The following EXOC1 variants were observed in gnomAD, a reference collection of about 807,000 sequenced individuals.
EXOC1 encodes SEC3-like 1.
Under a neutral mutation model 107.7 loss-of-function variants are expected in EXOC1, and 67 were observed. The observed-to-expected ratio is 0.62, with a 90% CI of 0.51 to 0.76. EXOC1 has a LOEUF of 0.76. Among genes scored for constraint, EXOC1 ranks in the 30% least tolerant of loss-of-function variants. EXOC1 has a pLI of 0.00. For missense variants in EXOC1, 833 were observed against 1,055.7 expected, an observed-to-expected ratio of 0.79 and a Z score of 2.92; for synonymous variants, 348 against 353.5, an observed-to-expected ratio of 0.98 and a Z score of 0.17.
intron 8 of EXOC1, chr4:55,875,838 G>A (rs1349623849): frequency 1.0e-6 from 1 of 967,798 alleles, no homozygotes; most frequent in East Asian, 1.1e-4. Flanking sequence ...GCTGAAGTGG[G>A]CCAATAACTT....
chr4:55,872,697 A>G (rs1267273403), intron 8 of EXOC1: 1 of 651,700 alleles, frequency 1.5e-6, no homozygotes, highest in Non-Finnish European at 1.9e-6. Context: ...TTTTTACTTT[A>G]TTTTCACTTT....
At position 55,883,829 on chromosome 4, in the gene EXOC1, A is replaced by G. The variant is rs769153477; in HGVS notation, c.1231A>G (p.Met411Val). Residue 411 changes from methionine to valine, a missense_variant, in exon 10 of 19, where the codon ATG becomes GTG. By Grantham distance (21) the Met-to-Val change is conservative. Coordinates refer to ENST00000381295, the MANE Select transcript of EXOC1 (RefSeq NM_001024924.2). ...GKYEGLTKNY[M>V]DYLSRLYERE... Reference sequence around the variant, plus strand: ...ATGTTACTTTTATTTTAAGAATTACATGGATTATTTATCCCGACTATATGA... The same window carrying G: ...ATGTTACTTTTATTTTAAGAATTACGTGGATTATTTATCCCGACTATATGA... 6 of 1,570,582 alleles carry G rather than the reference A, an allele frequency of 3.8e-6. No homozygotes were observed. The highest frequency in any genetic ancestry group is 3.8e-5 in the Admixed American group (2 of 52,468).
intron 3 of EXOC1, among the ~76,000 whole-genome samples, chr4:55,861,151 C>T (rs1721434591): frequency 6.6e-6 from 1 of 152,042 alleles, no homozygotes; most frequent in African/African-American, 2.4e-5. Flanking sequence ...ACAGCAATAC[C>T]CTTTTTTCAA....
In EXOC1 at chr4:55,904,285, A is replaced by C. The variant is rs145950518; in HGVS notation, c.2533-58A>C. On this transcript the variant is annotated intron_variant, in intron 18 of 18. Transcript: ENST00000381295. ...GAATATGCCTTGGCATTATTTCTGCATACTAGATTACATATTATTTCCATT... is the reference window on the plus strand; with the variant it reads ...GAATATGCCTTGGCATTATTTCTGCCTACTAGATTACATATTATTTCCATT... The C allele has an allele frequency of 3.4e-6, 5 of 1,483,148 alleles. No individual in the cohort carries two copies. The Admixed American group carries it at 8.5e-5, about 25-fold the overall frequency. 91.9% of individuals were successfully genotyped at this position (1,483,148 alleles called of 1,614,324 possible). A position where few individuals can be genotyped will look rare whatever the true frequency, so the allele number is the denominator to read the frequency against.
At chr4:55,876,945 A>G (rs1241123085) in intron 8 of EXOC1, 1 of 985,164 alleles carries the variant, frequency 1.0e-6, no homozygotes, top group East Asian at 1.1e-4. Flanking sequence ...GGCATGTCTT[A>G]TACTCCCATC....
At chr4:55,881,556 C>T (rs1015465634) in intron 9 of EXOC1, among the ~76,000 whole-genome samples, 12 of 152,058 alleles carry the variant, frequency 7.9e-5, no homozygotes, top group African/African-American at 2.9e-4. Flanking sequence ...TTTAGGGAGA[C>T]ATGGGACGTC....
chr4:55,864,499 TTAAAA>T (rs1482126745), intron 4 of EXOC1, 113 bp downstream of exon 4: 22 of 939,872 alleles, frequency 2.3e-5, no homozygotes, highest in Admixed American at 6.5e-5. Context: ...TAAAAGAACT[TTAAAA>T]TAATTTTTCT....
At chr4:55,894,384 C>G (rs1215281910) in intron 15 of EXOC1, among the ~76,000 whole-genome samples, 1 of 151,042 alleles carries the variant, frequency 6.6e-6, no homozygotes, top group East Asian at 1.9e-4. Flanking sequence ...AGTCAATGAC[C>G]ATTGATTTAA....
intron 9 of EXOC1, among the ~76,000 whole-genome samples, chr4:55,878,631 G>T (rs1162948609): frequency 6.6e-6 from 1 of 152,104 alleles, no homozygotes; most frequent in African/African-American, 2.4e-5. Flanking sequence ...AGACCATGGG[G>T]GAAACTTCAT....
At chr4:55,899,613 T>C in intron 16 of EXOC1, 72 bp from the exon 17 acceptor site, 1 of 1,313,410 alleles carries the variant, frequency 7.6e-7, no homozygotes, top group Non-Finnish European at 1.1e-6. Context: ...AAAAAATTAA[T>C]AGTATAAATG....
At chr4:55,897,270 G>T (rs1287108433) in intron 16 of EXOC1, among the ~76,000 whole-genome samples, 2 of 151,756 alleles carry the variant, frequency 1.3e-5, no homozygotes, top group African/African-American at 4.8e-5. Flanking sequence ...GGGACTACAG[G>T]TGCACCCTAC....
chr4:55,904,191 T>C, intron 18 of EXOC1, 152 bp from the exon 19 acceptor site: 1 of 612,140 alleles, frequency 1.6e-6, no homozygotes, highest in Non-Finnish European at 2.5e-6. Flanking sequence ...ACAAATCTTG[T>C]AGGTAAAAGT....
intron 3 of EXOC1, among the ~76,000 whole-genome samples, chr4:55,862,454 A>G (rs979179185): frequency 6.6e-6 from 1 of 152,118 alleles, no homozygotes. Flanking sequence ...CCACTGGAGC[A>G]CTCAGCTTCT....
chr4:55,858,204 C>T (rs1034506558), intron 1 of EXOC1, 110 bp from the exon 2 acceptor site: 1 of 1,095,522 alleles, frequency 9.1e-7, no homozygotes, highest in Non-Finnish European at 1.3e-6. Flanking sequence ...TATATTAAAT[C>T]ATTTTTCCTA....
rs373998986 is a variant in EXOC1, at chr4:55,893,657, T to C, written c.1830T>C (p.Leu610=). ...ACAAAATTGATAGCTTTAACTCTCT[T>C]TATATGTTAGTCAAAATGAGTCATC... ...LGDKIDSFNS[L]YMLVKMSHHV... The change falls in exon 15 of 19, where the codon CTT becomes CTC. Residue 610 remains leucine, a synonymous_variant. Transcript: ENST00000381295. The C allele has an allele frequency of 1.6e-5, 26 of 1,613,974 alleles. No individual in the cohort carries two copies. The highest frequency in any genetic ancestry group is 2.2e-5 in the Non-Finnish European group (26 of 1,180,014).
At chr4:55,862,383 A>C (rs1448494886) in intron 3 of EXOC1, among the ~76,000 whole-genome samples, 2 of 152,148 alleles carry the variant, frequency 1.3e-5, no homozygotes, top group Non-Finnish European at 1.5e-5. Flanking sequence ...ATAAAACATA[A>C]AATTTTTATA....
chr4:55,886,904 C>T (rs1723940278), intron 10 of EXOC1, among the ~76,000 whole-genome samples: 1 of 152,132 alleles, frequency 6.6e-6, no homozygotes, highest in Non-Finnish European at 1.5e-5. Flanking sequence ...AAGTCTTTAA[C>T]ATCTACTTAG....
chr4:55,883,403 A>G (rs1316523261), intron 9 of EXOC1: 1 of 152,548 alleles, frequency 6.6e-6, no homozygotes, highest in African/African-American at 2.4e-5. Flanking sequence ...ATCATAGCAA[A>G]ACATGGAAAC....
At chr4:55,889,994 A>G (rs868152334) in intron 11 of EXOC1, among the ~76,000 whole-genome samples, 1 of 152,272 alleles carries the variant, frequency 6.6e-6, no homozygotes, top group African/African-American at 2.4e-5. Context: ...GTCCCGTTCT[A>G]TGGATCTGTG....
Sources: allele counts gnomAD v4.1 joint callset (sites outside exome capture counted in the v4.1 genomes callset), GRCh38; gene constraint gnomAD v4.1.1; transcripts MANE v1.5; gene names NCBI Gene and HGNC (gene_info 2026-07-23, HGNC 2026-07-21).